Variants in GRIK4 observed in about 807,000 individuals in gnomAD.
The protein encoded by GRIK4 is glutamate receptor ionotropic, kainate 4.
A neutral mutation model predicts 104.9 loss-of-function variants in GRIK4; 40 were observed. The observed-to-expected ratio is 0.38, with a 90% CI of 0.30 to 0.50. The LOEUF is 0.50. Ranked by LOEUF, GRIK4 falls within the 20% of genes least tolerant of loss-of-function variation. The probability of loss-of-function intolerance (pLI) is 0.93; values close to 1 mark genes in which losing one functional copy is unlikely to be tolerated. For synonymous variants in GRIK4, 485 were observed against 524.9 expected, an observed-to-expected ratio of 0.92 and a Z score of 1.04; for missense variants, 1,047 against 1,308.1, an observed-to-expected ratio of 0.80 and a Z score of 3.08.
intron 3 of GRIK4, among the ~76,000 whole-genome samples, chr11:120,708,164 A>T (rs1950661611): frequency 2.0e-5 from 3 of 152,136 alleles, no homozygotes; most frequent in Admixed American, 2.0e-4. Flanking sequence ...CCATATTTTG[A>T]CATTACCACA....
intron 3 of GRIK4, among the ~76,000 whole-genome samples, chr11:120,668,791 A>G (rs1949966378): frequency 1.3e-5 from 2 of 152,154 alleles, no homozygotes; most frequent in East Asian, 1.9e-4. Flanking sequence ...TCCACCCTTT[A>G]CTAGTGTATG....
intron 3 of GRIK4, among the ~76,000 whole-genome samples, chr11:120,800,758 G>A (rs1461244702): frequency 1.3e-5 from 2 of 152,224 alleles, no homozygotes; most frequent in South Asian, 2.1e-4. Context: ...GGGTTTGTGG[G>A]ATGGATTACA....
intron 1 of GRIK4, among the ~76,000 whole-genome samples, chr11:120,528,447 T>C (rs939345725): frequency 6.6e-6 from 1 of 152,198 alleles, no homozygotes; most frequent in Non-Finnish European, 1.5e-5. Context: ...CTGAAATATG[T>C]TGGTCCTGTC....
At chr11:120,659,368 C>T (rs1173105615) in intron 2 of GRIK4, among the ~76,000 whole-genome samples, 1 of 152,150 alleles carries the variant, frequency 6.6e-6, no homozygotes, top group Non-Finnish European at 1.5e-5. Context: ...TCCATATTTG[C>T]TAGGAATGGA....
chr11:120,877,516 A>T (rs558381970), intron 11 of GRIK4, among the ~76,000 whole-genome samples: 2 of 152,202 alleles, frequency 1.3e-5, no homozygotes, highest in Non-Finnish European at 2.9e-5. Flanking sequence ...CTGAGCCCCA[A>T]TGTGCTTGAG....
At chr11:120,605,501 C>G (rs892833589) in intron 1 of GRIK4, among the ~76,000 whole-genome samples, 1 of 152,230 alleles carries the variant, frequency 6.6e-6, no homozygotes, top group Middle Eastern at 3.2e-3. Context: ...CAGCCATCAG[C>G]AAGTTCCCAG....
At chr11:120,758,463 G>A (rs1445872939) in intron 3 of GRIK4, among the ~76,000 whole-genome samples, 1 of 152,104 alleles carries the variant, frequency 6.6e-6, no homozygotes, top group Admixed American at 6.5e-5. Flanking sequence ...GGGAAATGCT[G>A]CATTTTATAT....
chr11:120,536,861 G>A (rs1422698732), intron 1 of GRIK4, among the ~76,000 whole-genome samples: 1 of 152,194 alleles, frequency 6.6e-6, no homozygotes, highest in Admixed American at 6.5e-5. Context: ...GAGCGGGGGA[G>A]GCCTGATTGG....
In GRIK4 at chr11:120,874,217, T is replaced by C; in HGVS notation, c.1058T>C (p.Met353Thr). ...ACCAGCCTCATGAACTACCTGCGCATGGTGAGGAGCGGCTGAGGCCCTGCA... is the reference window on the plus strand; with the variant it reads ...ACCAGCCTCATGAACTACCTGCGCACGGTGAGGAGCGGCTGAGGCCCTGCA... Reference protein sequence around the residue: ...HGTSLMNYLRMVELEGLTGHI... With the variant: ...HGTSLMNYLRTVELEGLTGHI... Residue 353 changes from methionine (M) to threonine (T), a missense_variant and splice_region_variant, in exon 10 of 21, where the codon ATG becomes ACG. By Grantham distance (81) the Met-to-Thr change is moderately conservative (BLOSUM62 -1). This residue lies in a region of GRIK4 where 447 missense variants were observed against 514.9 expected (regional missense o/e 0.87). Coordinates refer to ENST00000527524, the MANE Select transcript of GRIK4 (RefSeq NM_014619.5). 1 of 1,605,542 alleles carries C rather than the reference T, an allele frequency of 6.2e-7. No individual in the cohort carries two copies. The highest frequency in any genetic ancestry group is 8.5e-7 in the Non-Finnish European group (1 of 1,175,174).
At chr11:120,631,476 C>T (rs543560126) in intron 1 of GRIK4, among the ~76,000 whole-genome samples, 55 of 152,236 alleles carry the variant, frequency 3.6e-4, no homozygotes, top group African/African-American at 1.3e-3. Context: ...CAGGGCCAGG[C>T]CTCCGAGTCG....
At chr11:120,544,318 TA>T (rs1228237975) in intron 1 of GRIK4, among the ~76,000 whole-genome samples, 2 of 152,182 alleles carry the variant, frequency 1.3e-5, no homozygotes, top group Non-Finnish European at 2.9e-5. Flanking sequence ...ACAAAGTGGT[TA>T]AATAATACTA....
intron 1 of GRIK4, among the ~76,000 whole-genome samples, chr11:120,540,436 C>T (rs1407092155): frequency 6.6e-6 from 1 of 151,628 alleles, no homozygotes; most frequent in East Asian, 2.0e-4. Context: ...GCCTGGCCAA[C>T]ATGGCAAAAC....
At position 120,773,191 on chromosome 11, in the gene GRIK4, A is replaced by G. The variant is rs553151082; in HGVS notation, c.83-29502A>G. On this transcript the variant is annotated intron_variant, in intron 3 of 20. Transcript: ENST00000527524. ...CAAGGCCACATGGCTAAGAAGGAGC[A>G]GAGACAGCCTTTGTGTCTAGTCAGC... 5.9e-5 allele frequency among the ~76,000 whole-genome samples: 9 copies of G among 152,360 alleles called. No homozygotes were observed. In the South Asian group the frequency reaches 1.9e-3, roughly 32 times the overall value.
intron 3 of GRIK4, among the ~76,000 whole-genome samples, chr11:120,684,788 G>A (rs1418036324): frequency 6.6e-6 from 1 of 152,108 alleles, no homozygotes; most frequent in East Asian, 1.9e-4. Flanking sequence ...TCAGCTCACT[G>A]CAAGCTCCGC....
chr11:120,662,541 G>A (rs759346289), intron 3 of GRIK4, among the ~76,000 whole-genome samples: 7 of 152,120 alleles, frequency 4.6e-5, no homozygotes, highest in African/African-American at 9.7e-5. Flanking sequence ...GTGGAGTAGC[G>A]CAGGGATGGG....
intron 8 of GRIK4, among the ~76,000 whole-genome samples, chr11:120,859,644 C>T (rs554371187): frequency 6.6e-6 from 1 of 152,366 alleles, no homozygotes; most frequent in African/African-American, 2.4e-5. Context: ...CAGTCTGGCT[C>T]TGCCCCAGTC....
chr11:120,984,066 G>A (rs1944696636), intron 20 of GRIK4, among the ~76,000 whole-genome samples: 1 of 152,154 alleles, frequency 6.6e-6, no homozygotes, highest in South Asian at 2.1e-4. Context: ...TCCATTAAGT[G>A]ACATCACCTT....
intron 3 of GRIK4, among the ~76,000 whole-genome samples, chr11:120,673,581 A>G (rs998082938): frequency 2.0e-5 from 3 of 152,218 alleles, no homozygotes; most frequent in African/African-American, 7.2e-5. Flanking sequence ...TCCAAACACC[A>G]GGACTTGGCA....
At chr11:120,806,319 T>C (rs1490699297) in intron 4 of GRIK4, among the ~76,000 whole-genome samples, 1 of 152,198 alleles carries the variant, frequency 6.6e-6, no homozygotes, top group African/African-American at 2.4e-5. Context: ...AATTGGATAT[T>C]CCCCTTCTCC....
Sources: gnomAD v4.1 joint callset for allele counts (sites outside exome capture counted in the v4.1 genomes callset) on GRCh38, gnomAD v4.1.1 for gene constraint, gnomAD v4.1.1 regional missense constraint, MANE v1.5 for transcripts, NCBI Gene and HGNC (gene_info 2026-07-23, HGNC 2026-07-21) for gene names.